The following NHLRC2 variants were observed in gnomAD, a reference collection of about 807,000 sequenced individuals.
NHLRC2 encodes NHL repeat containing 2, also known as NHL repeat-containing protein 2.
Under a neutral mutation model 68.1 loss-of-function variants are expected in NHLRC2, and 33 were observed. The observed-to-expected ratio is 0.48, with a 90% CI of 0.37 to 0.65. NHLRC2 has a LOEUF of 0.65. NHLRC2 is among the 30% of genes least tolerant of loss of function. NHLRC2 has a pLI of 0.00. For missense variants in NHLRC2, 761 were observed against 853.8 expected, an observed-to-expected ratio of 0.89 and a Z score of 1.35; for synonymous variants, 311 against 309.6, an observed-to-expected ratio of 1.00 and a Z score of -0.05.
At position 113,915,397 on chromosome 10, in the gene NHLRC2, C is replaced by T. The variant is rs1846373697; in HGVS notation, c.*6861C>T. On this transcript the variant is annotated 3_prime_UTR_variant, in exon 11 of 11. Transcript: ENST00000369301. ...TTCCTCTTTAAGCAGCAACTTACCACAGGCTTGGTGGCTTTAAGTAATATA... is the reference window on the plus strand; with the variant it reads ...TTCCTCTTTAAGCAGCAACTTACCATAGGCTTGGTGGCTTTAAGTAATATA... 2.7e-6 allele frequency: 1 copy of T among 370,088 alleles called. No homozygotes were observed. Among genetic ancestry groups the T allele is most frequent in the African/African-American group, 2.1e-5 (1 of 47,112 alleles). 22.9% of individuals were successfully genotyped at this position (370,088 alleles called of 1,614,324 possible). A position where few individuals can be genotyped will look rare whatever the true frequency, so the allele number is the denominator to read the frequency against.
chr10:113,904,092 G>GTT (rs1282312896), intron 9 of NHLRC2, among the ~76,000 whole-genome samples: 2 of 139,642 alleles, frequency 1.4e-5, no homozygotes, highest in African/African-American at 5.3e-5. Flanking sequence ...TTAGCTTATT[G>GTT]TTTTTGTTTT....
At position 113,901,815 on chromosome 10, in the gene NHLRC2, A is replaced by G. The variant is rs912487874; in HGVS notation, c.1289A>G (p.Asp430Gly). The change falls in exon 7 of 11, where the codon GAT (aspartate) becomes GGT (glycine). Residue 430 changes from aspartate to glycine, a missense_variant. Coordinates refer to ENST00000369301, the MANE Select transcript of NHLRC2 (RefSeq NM_198514.4). ...CCCTGGAGCTGCTTGTTTGTAGCAG[A>G]TAGTGAGAGCAGTACAGTGAGAACC... ...EDPWSCLFVA[D>G]SESSTVRTVS... 1.2e-6 allele frequency: 2 copies of G among 1,614,060 alleles called. No homozygotes were observed. The highest frequency in any genetic ancestry group is 1.7e-6 in the Non-Finnish European group (2 of 1,180,012).
At chr10:113,898,345 C>CT (rs1257587344) in intron 6 of NHLRC2, 136 bp downstream of exon 6, 1 of 529,366 alleles carries the variant, frequency 1.9e-6, no homozygotes, top group Non-Finnish European at 3.5e-6. Flanking sequence ...CGCAGATTCT[C>CT]AGTGACTTAA....
intron 2 of NHLRC2, 33 bp downstream of exon 2, chr10:113,858,713 G>A: frequency 1.3e-6 from 2 of 1,543,524 alleles, no homozygotes; most frequent in Non-Finnish European, 1.8e-6. Context: ...CTAACAGACT[G>A]TCCTGGCATA....
intron 2 of NHLRC2, among the ~76,000 whole-genome samples, chr10:113,872,389 A>T (rs1845935348): frequency 6.6e-6 from 1 of 152,178 alleles, no homozygotes; most frequent in African/African-American, 2.4e-5. Context: ...CGCAAAATGA[A>T]CAGGAATAGA....
At chr10:113,875,893 C>T (rs1453773296) in intron 2 of NHLRC2, among the ~76,000 whole-genome samples, 1 of 148,378 alleles carries the variant, frequency 6.7e-6, no homozygotes, top group Non-Finnish European at 1.5e-5. Flanking sequence ...TGAATTTTTT[C>T]ACTGAATCCA....
intron 5 of NHLRC2, among the ~76,000 whole-genome samples, chr10:113,887,790 A>G (rs1846095736): frequency 6.6e-6 from 1 of 152,140 alleles, no homozygotes; most frequent in South Asian, 2.1e-4. Context: ...CAAAAAGAAA[A>G]TGTATATCTA....
At chr10:113,890,329 T>C (rs948518100) in intron 5 of NHLRC2, among the ~76,000 whole-genome samples, 1 of 152,258 alleles carries the variant, frequency 6.6e-6, no homozygotes, top group Non-Finnish European at 1.5e-5. Flanking sequence ...AAGATATTAC[T>C]CCATTGTCTT....
At chr10:113,897,828 G>A (rs1846189602) in intron 5 of NHLRC2, among the ~76,000 whole-genome samples, 2 of 152,216 alleles carry the variant, frequency 1.3e-5, no homozygotes, top group African/African-American at 4.8e-5. Context: ...TTAACAAACT[G>A]CTGAGGCAGA....
At position 113,914,844 on chromosome 10, in the gene NHLRC2, A is replaced by G; in HGVS notation, c.*6308A>G. 1 of 360,574 alleles carries G rather than the reference A, an allele frequency of 2.8e-6. No homozygotes were observed. The highest frequency in any genetic ancestry group is 5.4e-6 in the Non-Finnish European group (1 of 184,158). 22.3% of individuals were successfully genotyped at this position (360,574 alleles called of 1,614,324 possible). On this transcript the variant is annotated 3_prime_UTR_variant, in exon 11 of 11. Coordinates refer to ENST00000369301, the MANE Select transcript of NHLRC2 (RefSeq NM_198514.4). ...CCATGTCTTTGCAATAGGATAATATAAAGAATAGTATTAAAAGTCAGAGGC... is the reference window on the plus strand; with the variant it reads ...CCATGTCTTTGCAATAGGATAATATGAAGAATAGTATTAAAAGTCAGAGGC...
chr10:113,855,438 G>T (rs1419154381), intron 1 of NHLRC2, among the ~76,000 whole-genome samples: 1 of 152,026 alleles, frequency 6.6e-6, no homozygotes, highest in African/African-American at 2.4e-5. Flanking sequence ...GACATTTATT[G>T]ATCACTTTTT....
At position 113,902,518 on chromosome 10, in the gene NHLRC2, G is replaced by T; in HGVS notation, c.1419G>T (p.Lys473Asn). ...TTGATGGAGTAGGAATCAATGCAAA[G>T]CTTCAACACCCCCTTGGAGTAACAT... ...GDVDGVGINA[K>N]LQHPLGVTWD... The change falls in exon 8 of 11, where the codon AAG becomes AAT. Residue 473 changes from lysine (K) to asparagine (N), a missense_variant. Transcript: ENST00000369301. 1 of 1,605,614 alleles carries T rather than the reference G, an allele frequency of 6.2e-7. No homozygotes were observed. The highest frequency in any genetic ancestry group is 8.5e-7 in the Non-Finnish European group (1 of 1,175,086).
intron 2 of NHLRC2, among the ~76,000 whole-genome samples, chr10:113,859,706 A>T (rs1407401713): frequency 6.6e-6 from 1 of 152,210 alleles, no homozygotes; most frequent in East Asian, 1.9e-4. Flanking sequence ...TTCTTGTTCA[A>T]GACATCACGT....
Position 113,876,909 on chromosome 10 carries a change from A to G in NHLRC2, c.720A>G (p.Ile240Met). Reference sequence around the variant, plus strand: ...ACCAAGTTACTGATAGATTGGTAATAGCAGACACTGGACATCATAGAATTT... The same window carrying G: ...ACCAAGTTACTGATAGATTGGTAATGGCAGACACTGGACATCATAGAATTT... ...TVDQVTDRLV[I>M]ADTGHHRILV... is the part of the protein sequence containing the mutation. Residue 240 changes from isoleucine (I) to methionine (M), a missense_variant, in exon 3 of 11, where the codon ATA (isoleucine) becomes ATG (methionine). By Grantham distance (10) the Ile-to-Met change is conservative. Transcript: ENST00000369301. 1 of 1,612,612 alleles carries G rather than the reference A, an allele frequency of 6.2e-7. No individual in the cohort carries two copies. Among genetic ancestry groups the G allele is most frequent in the East Asian group, 2.2e-5 (1 of 44,842 alleles).
chr10:113,878,545 A>T (rs1378778817), intron 3 of NHLRC2, among the ~76,000 whole-genome samples: 2 of 151,834 alleles, frequency 1.3e-5, no homozygotes, highest in African/African-American at 4.8e-5. Context: ...TCTTTTTTTT[A>T]AAGATGGAGT....
intron 6 of NHLRC2, among the ~76,000 whole-genome samples, chr10:113,898,535 G>A (rs981078323): frequency 1.3e-5 from 2 of 152,154 alleles, no homozygotes; most frequent in Non-Finnish European, 2.9e-5. Flanking sequence ...AGTGACACAC[G>A]TCACTTCTAC....
intron 5 of NHLRC2, among the ~76,000 whole-genome samples, chr10:113,893,689 A>G (rs1421930741): frequency 2.0e-5 from 3 of 152,172 alleles, no homozygotes; most frequent in Non-Finnish European, 4.4e-5. Context: ...ACCAATGCCC[A>G]TACTTTATCT....
chr10:113,916,375 A>G lies in NHLRC2; in HGVS notation c.*7839A>G, dbSNP rs913738310. The G allele has an allele frequency of 6.6e-6, 1 of 152,218 alleles. No homozygotes were observed. Among genetic ancestry groups the G allele is most frequent in the Admixed American group, 6.5e-5 (1 of 15,286 alleles). The allele number at this position is 152,218 out of a possible 1,614,324, so 9.4% of individuals were successfully genotyped here. ...TTTCAGTGAGAAATTATGGTTATAT[A>G]AATAACAGATATGGCAGAACAATTT... On this transcript the variant is annotated 3_prime_UTR_variant, in exon 11 of 11. Transcript: ENST00000369301.
chr10:113,901,642 CACCT>C lies in NHLRC2; in HGVS notation c.1140-22_1140-19del. ...CACACAATATACCACATGTTGACTC[CACCT>C]ATGAACTTGTCTTTTTCAGTGAGTT... is the stretch of plus-strand genomic sequence containing the variant. On this transcript the variant is annotated intron_variant, in intron 6 of 10. Coordinates refer to ENST00000369301, the MANE Select transcript of NHLRC2 (RefSeq NM_198514.4). The C allele has an allele frequency of 6.9e-7, 1 of 1,446,580 alleles. No homozygotes were observed. Among genetic ancestry groups the C allele is most frequent in the Non-Finnish European group, 9.7e-7 (1 of 1,027,522 alleles). The allele number at this position is 1,446,580 out of a possible 1,614,324, so 89.6% of individuals were successfully genotyped here.
Sources: allele counts gnomAD v4.1 joint callset (sites outside exome capture counted in the v4.1 genomes callset), GRCh38; gene constraint gnomAD v4.1.1; transcripts MANE v1.5; gene names NCBI Gene and HGNC (gene_info 2026-07-23, HGNC 2026-07-21).